The following PPP2R3B variants were observed in gnomAD, a reference collection of about 807,000 sequenced individuals.
PPP2R3B encodes serine/threonine-protein phosphatase 2A regulatory subunit B'' subunit beta.
PPP2R3B carries 68 observed loss-of-function variants against 72.9 expected under a neutral mutation model. The observed-to-expected ratio is 0.93, with a 90% CI of 0.77 to 1.14. The LOEUF is 1.14. PPP2R3B is among the 50% of genes most tolerant of loss of function. PPP2R3B has a pLI of 0.00. For missense variants in PPP2R3B, 1,018 were observed against 842.0 expected, an observed-to-expected ratio of 1.21 and a Z score of -2.59; for synonymous variants, 466 against 375.8, an observed-to-expected ratio of 1.24 and a Z score of -2.78.
At chrX:373,759 C>T (rs2071924235) in intron 1 of PPP2R3B, 2 of 149,104 alleles carry the variant, frequency 1.3e-5, no homozygotes, top group African/African-American at 4.9e-5. Context: ...GGCCCGGGCT[C>T]AGCGCGCTCC....
intron 1 of PPP2R3B, among the ~76,000 whole-genome samples, chrX:385,286 C>CTTT (rs1205880349): frequency 7.1e-6 from 1 of 141,458 alleles, no homozygotes; most frequent in Non-Finnish European, 1.5e-5. Context: ...CCCGTCTCAT[C>CTTT]TTTTCTTCCC....
intron 1 of PPP2R3B, among the ~76,000 whole-genome samples, chrX:366,863 A>T (rs1393750866): frequency 1.4e-5 from 2 of 147,762 alleles, no homozygotes; most frequent in African/African-American, 5.2e-5. Context: ...ACTCTGTCTC[A>T]AAACAAAACA....
At position 341,906 on chromosome X, in the gene PPP2R3B, C is replaced by T. The variant is rs2071087328; in HGVS notation, c.1062G>A (p.Arg354=). The T allele has an allele frequency of 6.2e-7, 1 of 1,612,602 alleles. No individual in the cohort carries two copies. The highest frequency in any genetic ancestry group is 1.1e-5 in the South Asian group (1 of 91,088). Residue 354 remains arginine (R), a synonymous_variant, in exon 8 of 13, where the codon AGG becomes AGA. Transcript: ENST00000390665. ...DHALSTKMID[R]IFSGAVTRGR... ...ACCGTGTGACTGCTCCTGAGAAGAT[C>T]CTGTCTATCATCTTGGTAGAAAGGG...
intron 1 of PPP2R3B, among the ~76,000 whole-genome samples, chrX:362,656 A>C (rs1260597804): frequency 2.0e-5 from 3 of 152,026 alleles, no homozygotes; most frequent in Admixed American, 2.0e-4. Flanking sequence ...GCCATGGAGG[A>C]GGGGTCCAGG....
At chrX:377,891 T>C (rs1330381601) in intron 1 of PPP2R3B, among the ~76,000 whole-genome samples, 3 of 105,078 alleles carry the variant, frequency 2.9e-5, no homozygotes, top group East Asian at 2.8e-4. Context: ...TACACTACTG[T>C]GTACAGGGAC....
At chrX:371,753 A>T (rs2071870526) in intron 1 of PPP2R3B, among the ~76,000 whole-genome samples, 1 of 151,862 alleles carries the variant, frequency 6.6e-6, no homozygotes, top group Non-Finnish European at 1.5e-5. Context: ...GACCCAACAG[A>T]CAGAGCCCAC....
intron 1 of PPP2R3B, among the ~76,000 whole-genome samples, chrX:372,600 C>A (rs1299443771): frequency 6.6e-6 from 1 of 152,212 alleles, no homozygotes; most frequent in South Asian, 2.1e-4. Flanking sequence ...AAAACTAACT[C>A]ATACAATATA....
intron 12 of PPP2R3B, 189 bp from the exon 13 acceptor site, chrX:334,706 G>C: frequency 1.5e-6 from 1 of 664,946 alleles, no homozygotes; most frequent in Non-Finnish European, 2.3e-6. Flanking sequence ...AATGCTCCCG[G>C]GGGAGGGGCC....
At chrX:347,933 C>T (rs918562572) in intron 2 of PPP2R3B, 15 of 471,396 alleles carry the variant, frequency 3.2e-5, no homozygotes, top group African/African-American at 1.2e-4. Context: ...CCACAGACCA[C>T]GCGTGGGCAC....
chrX:336,406 G>C (rs757897210), intron 12 of PPP2R3B: 1 of 152,240 alleles, frequency 6.6e-6, no homozygotes, highest in African/African-American at 2.4e-5. Context: ...TCGCCAATGA[G>C]CGTGCTTACC....
At chrX:341,551 G>C (rs1299614587) in intron 8 of PPP2R3B, 155 bp from the exon 9 acceptor site, 1 of 780,770 alleles carries the variant, frequency 1.3e-6, no homozygotes, top group Non-Finnish European at 2.2e-6. Flanking sequence ...CTCCGGGGAG[G>C]AGGTGGAGGC....
In PPP2R3B at chrX:336,409, T is replaced by A. The variant is rs1391581722; in HGVS notation, c.1578-1892A>T. 3 of 151,860 alleles carry A rather than the reference T, an allele frequency of 2.0e-5. No individual in the cohort carries two copies. In the East Asian group the frequency reaches 5.8e-4, roughly 30 times the overall value. The allele number at this position is 151,860 out of a possible 1,614,324, so 9.4% of individuals were successfully genotyped here. The stretch of plus-strand genomic sequence containing the variant: ...GGGAGAACATCCTCGCCAATGAGCG[T>A]GCTTACCGCTGCGTGAGGGGAGACG... On this transcript the variant is annotated intron_variant, in intron 12 of 12. Transcript: ENST00000390665.
chrX:336,524 C>T (rs2070893293), intron 12 of PPP2R3B: 2 of 152,312 alleles, frequency 1.3e-5, no homozygotes, highest in Non-Finnish European at 2.9e-5. Context: ...ACCACATCTC[C>T]CTGCGGGTTC....
chrX:377,857 G>C lies in PPP2R3B; in HGVS notation c.324+8511C>G, dbSNP rs2072032384. 1.9e-5 allele frequency among the ~76,000 whole-genome samples: 2 copies of C among 104,500 alleles called. 1 individual carries two copies. Among genetic ancestry groups the C allele is most frequent in the Admixed American group, 1.7e-4 (2 of 11,820 alleles). The allele number at this position is 104,500 out of a possible 152,430, so 68.6% of individuals were successfully genotyped here. A position where few individuals can be genotyped will look rare whatever the true frequency, so the allele number is the denominator to read the frequency against. ...TGCAGGGACGGGCCGTCCACACCCAGTGGGTCCGCCGTGGGGCTGTCTATA... is the reference window on the plus strand; with the variant it reads ...TGCAGGGACGGGCCGTCCACACCCACTGGGTCCGCCGTGGGGCTGTCTATA... On this transcript the variant is annotated intron_variant, in intron 1 of 12. Transcript: ENST00000390665.
intron 1 of PPP2R3B, among the ~76,000 whole-genome samples, chrX:385,806 C>T (rs1290049774): frequency 6.6e-6 from 1 of 151,860 alleles, no homozygotes; most frequent in African/African-American, 2.4e-5. Flanking sequence ...ACGGACCAGG[C>T]GCAGTGACTC....
At chrX:376,776 G>A (rs1450065923) in intron 1 of PPP2R3B, among the ~76,000 whole-genome samples, 3 of 108,630 alleles carry the variant, frequency 2.8e-5, no homozygotes, top group African/African-American at 1.1e-4. Context: ...GGGACGGGCC[G>A]TCCACAGTGG....
intron 1 of PPP2R3B, among the ~76,000 whole-genome samples, chrX:368,918 A>G (rs1271322212): frequency 1.4e-5 from 2 of 147,830 alleles, no homozygotes; most frequent in Non-Finnish European, 3.0e-5. Context: ...ACCACCCACC[A>G]TGGGCACTAA....
chrX:346,059 G>A, intron 6 of PPP2R3B, 115 bp downstream of exon 6: 1 of 535,828 alleles, frequency 1.9e-6, no homozygotes, highest in Non-Finnish European at 3.3e-6. Flanking sequence ...GTGGGGGTGG[G>A]GGTGGGAGAG....
At chrX:385,102 G>A (rs2072216701) in intron 1 of PPP2R3B, among the ~76,000 whole-genome samples, 1 of 151,832 alleles carries the variant, frequency 6.6e-6, no homozygotes, top group African/African-American at 2.4e-5. Flanking sequence ...TTGACCTAGG[G>A]GGCCTAACCA....
Sources: allele counts gnomAD v4.1 joint callset (sites outside exome capture counted in the v4.1 genomes callset), GRCh38; gene constraint gnomAD v4.1.1; transcripts MANE v1.5; gene names NCBI Gene and HGNC (gene_info 2026-07-23, HGNC 2026-07-21).